The following CTNND2 variants were observed in gnomAD, a reference collection of about 807,000 sequenced individuals.
CTNND2 encodes catenin delta-2.
In CTNND2, 22 loss-of-function variants were observed where a neutral mutation model predicts 144.4. The ratio of observed to expected loss-of-function variants is 0.15; its 90% CI spans 0.11 to 0.22. CTNND2 has a LOEUF of 0.22. CTNND2 is among the 10% of genes least tolerant of loss of function. The probability of loss-of-function intolerance (pLI) is 1.00; values close to 1 mark genes in which losing one functional copy is unlikely to be tolerated. For missense variants in CTNND2, 1,353 were observed against 1,618.8 expected (o/e 0.84, Z 2.82); for synonymous variants, 751 against 695.6 (o/e 1.08, Z -1.25).
chr5:11,808,799 A>G (rs1792150919), intron 1 of CTNND2, among the ~76,000 whole-genome samples: 1 of 152,242 alleles, frequency 6.6e-6, no homozygotes, highest in Non-Finnish European at 1.5e-5. Context: ...CTATTTTCTT[A>G]GTAAAAACAA....
intron 9 of CTNND2, among the ~76,000 whole-genome samples, chr5:11,307,853 C>T (rs1227154515): frequency 1.3e-5 from 2 of 152,112 alleles, no homozygotes; most frequent in Non-Finnish European, 2.9e-5. Context: ...TTGTTGAAAT[C>T]CTAATTCCTA....
intron 20 of CTNND2, among the ~76,000 whole-genome samples, chr5:10,986,092 C>T (rs1386976891): frequency 6.6e-6 from 1 of 152,158 alleles, no homozygotes; most frequent in African/African-American, 2.4e-5. Context: ...TGAGAGTGTA[C>T]TCCTGAATTG....
At chr5:11,589,313 G>GACA (rs147045294) in intron 2 of CTNND2, among the ~76,000 whole-genome samples, 231 of 87,068 alleles carry the variant, frequency 2.7e-3, no homozygotes, top group African/African-American at 7.6e-3. Flanking sequence ...ACACACACAC[G>GACA]ACAACAACAA....
intron 14 of CTNND2, among the ~76,000 whole-genome samples, chr5:11,106,277 T>C (rs1752421985): frequency 6.6e-6 from 1 of 152,212 alleles, no homozygotes; most frequent in African/African-American, 2.4e-5. Context: ...ACAGTTTACA[T>C]TAGTACAAAC....
chr5:11,529,410 A>G (rs1186065825), intron 3 of CTNND2, among the ~76,000 whole-genome samples: 1 of 152,268 alleles, frequency 6.6e-6, no homozygotes, highest in Non-Finnish European at 1.5e-5. Context: ...AAAAGGAAAC[A>G]AAATTCTTCC....
chr5:11,345,161 T>C (rs922768325), intron 9 of CTNND2, among the ~76,000 whole-genome samples: 4 of 152,192 alleles, frequency 2.6e-5, no homozygotes, highest in Non-Finnish European at 5.9e-5. Flanking sequence ...TTCTGATGAA[T>C]ACGCTTGCCA....
chr5:11,622,675 C>G (rs1403970683), intron 2 of CTNND2, among the ~76,000 whole-genome samples: 4 of 152,106 alleles, frequency 2.6e-5, no homozygotes, highest in Non-Finnish European at 5.9e-5. Flanking sequence ...AATCTGCCCC[C>G]ACAAAAGCAT....
chr5:11,437,262 A>C (rs1366850375), intron 3 of CTNND2, among the ~76,000 whole-genome samples: 1 of 152,190 alleles, frequency 6.6e-6, no homozygotes, highest in Non-Finnish European at 1.5e-5. Flanking sequence ...AGTTGGATTT[A>C]AGATATTCAT....
chr5:11,845,942 G>A (rs912531782), intron 1 of CTNND2, among the ~76,000 whole-genome samples: 6 of 152,236 alleles, frequency 3.9e-5, no homozygotes, highest in African/African-American at 1.2e-4. Flanking sequence ...ACCCCCGTGA[G>A]AAAGAGAAAC....
chr5:11,307,447 C>T (rs931712590), intron 9 of CTNND2, among the ~76,000 whole-genome samples: 3 of 152,042 alleles, frequency 2.0e-5, no homozygotes, highest in African/African-American at 7.2e-5. Context: ...AAGGCAAGGC[C>T]TGCTTTGGAG....
chr5:11,296,339 G>T (rs1213927731), intron 9 of CTNND2, among the ~76,000 whole-genome samples: 1 of 152,046 alleles, frequency 6.6e-6, no homozygotes, highest in Admixed American at 6.6e-5. Flanking sequence ...AACAACAGGT[G>T]CTGGAGAGGA....
At chr5:11,447,888 T>G (rs994587375) in intron 3 of CTNND2, among the ~76,000 whole-genome samples, 19 of 152,188 alleles carry the variant, frequency 1.2e-4, no homozygotes, top group African/African-American at 4.6e-4. Flanking sequence ...CTTGACTGCT[T>G]GATGTACTAG....
chr5:11,887,110 G>C (rs574514024), intron 1 of CTNND2, among the ~76,000 whole-genome samples: 7 of 147,354 alleles, frequency 4.8e-5, no homozygotes, highest in Non-Finnish European at 1.0e-4. Flanking sequence ...CAGCCTCCCC[G>C]GCAGCTGGGA....
intron 2 of CTNND2, among the ~76,000 whole-genome samples, chr5:11,623,800 GTGTGTATGTATATATATA>G (rs1484337225): frequency 0.21 from 17,776 of 85,322 alleles, 2,210 homozygotes; most frequent in Non-Finnish European, 0.25. Flanking sequence ...ATATATATAT[GTGTGTATGTATATATATA>G]TATATATATA....
chr5:11,900,291 G>A (rs1276358077), intron 1 of CTNND2, among the ~76,000 whole-genome samples: 4 of 152,134 alleles, frequency 2.6e-5, no homozygotes, highest in Non-Finnish European at 5.9e-5. Context: ...TCAGAGCTTG[G>A]AATTGCACTT....
chr5:11,809,869 G>A (rs1792223238), intron 1 of CTNND2, among the ~76,000 whole-genome samples: 1 of 152,132 alleles, frequency 6.6e-6, no homozygotes, highest in Non-Finnish European at 1.5e-5. Context: ...TATTTTATCA[G>A]GAGAGAGGAC....
intron 1 of CTNND2, among the ~76,000 whole-genome samples, chr5:11,881,366 C>A (rs1042146756): frequency 2.0e-5 from 3 of 151,950 alleles, no homozygotes; most frequent in Non-Finnish European, 4.4e-5. Context: ...TTACAGAACA[C>A]TAGAACTTAT....
rs188936638 is a variant in CTNND2 at position 11,670,418 on chromosome 5, T to C, written c.174+61718A>G. Among the ~76,000 whole-genome samples the C allele has an allele frequency of 2.2e-4, 33 of 152,328 alleles. 1 individual carries two copies. The highest frequency in any genetic ancestry group is 7.5e-4 in the African/African-American group (31 of 41,580). On this transcript the variant is annotated intron_variant, in intron 2 of 21. Transcript: ENST00000304623. ...TTTAGGTCTCTAAGGACTTGCTTTA[T>C]TAATCTGGGTGCTCCTGCATTGGGT...
intron 10 of CTNND2, among the ~76,000 whole-genome samples, chr5:11,223,196 C>T (rs1332161055): frequency 1.3e-5 from 2 of 152,218 alleles, no homozygotes; most frequent in Non-Finnish European, 2.9e-5. Flanking sequence ...CCTGCAGGAA[C>T]ACGTCTAAAT....
Sources: gnomAD v4.1 joint callset for allele counts (sites outside exome capture counted in the v4.1 genomes callset) on GRCh38, gnomAD v4.1.1 for gene constraint, MANE v1.5 for transcripts, NCBI Gene and HGNC (gene_info 2026-07-23, HGNC 2026-07-21) for gene names.